Variants in R3HDM1 observed in about 807,000 individuals in gnomAD.
The protein encoded by R3HDM1 is R3H domain-containing protein 1.
R3HDM1 carries 46 observed loss-of-function variants against 141.1 expected under a neutral mutation model. That is an observed-to-expected ratio of 0.33 (90% CI 0.26 to 0.42). The LOEUF is 0.42. Ranked by LOEUF, R3HDM1 falls within the 10% of genes least tolerant of loss-of-function variation. The probability of loss-of-function intolerance (pLI) is 1.00; values close to 1 mark genes in which losing one functional copy is unlikely to be tolerated. For synonymous variants in R3HDM1, 435 were observed against 472.9 expected, an observed-to-expected ratio of 0.92 and a Z score of 1.04; for missense variants, 1,184 against 1,368.3, an observed-to-expected ratio of 0.87 and a Z score of 2.12.
intron 1 of R3HDM1, among the ~76,000 whole-genome samples, chr2:135,560,113 A>G (rs918483533): frequency 6.6e-6 from 1 of 152,206 alleles, no homozygotes; most frequent in African/African-American, 2.4e-5. Context: ...GCATGTATAT[A>G]TTATTCTGCA....
intron 7 of R3HDM1, among the ~76,000 whole-genome samples, chr2:135,624,583 A>G (rs1349777463): frequency 5.9e-5 from 9 of 152,202 alleles, no homozygotes; most frequent in Non-Finnish European, 7.3e-5. Context: ...AAAAAGACCT[A>G]TAAAACGGTG....
intron 1 of R3HDM1, among the ~76,000 whole-genome samples, chr2:135,547,105 A>G (rs1267891505): frequency 6.6e-6 from 1 of 152,186 alleles, no homozygotes; most frequent in East Asian, 1.9e-4. Flanking sequence ...GAACTCAGAC[A>G]CCTATCATAT....
chr2:135,683,052 G>A (rs1472494912), intron 21 of R3HDM1, among the ~76,000 whole-genome samples: 1 of 152,112 alleles, frequency 6.6e-6, no homozygotes, highest in East Asian at 1.9e-4. Flanking sequence ...ACCCAAATGA[G>A]GCAGATAAAC....
chr2:135,659,521 G>A (rs2066415624), intron 18 of R3HDM1, among the ~76,000 whole-genome samples: 2 of 151,476 alleles, frequency 1.3e-5, no homozygotes, highest in African/African-American at 2.4e-5. Flanking sequence ...CACTGCAGCT[G>A]TGACCTCCTG....
At chr2:135,619,340 T>G (rs2061348882) in intron 5 of R3HDM1, among the ~76,000 whole-genome samples, 1 of 152,146 alleles carries the variant, frequency 6.6e-6, no homozygotes, top group South Asian at 2.1e-4. Context: ...GGTACTAAAT[T>G]TGGCTAGTGA....
At chr2:135,720,379 G>A (rs2076588894) in intron 24 of R3HDM1, among the ~76,000 whole-genome samples, 1 of 152,238 alleles carries the variant, frequency 6.6e-6, no homozygotes, top group South Asian at 2.1e-4. Context: ...GAGAAGGGGT[G>A]TACAGTTTCC....
intron 1 of R3HDM1, among the ~76,000 whole-genome samples, chr2:135,576,109 T>C (rs992373596): frequency 1.5e-4 from 23 of 152,154 alleles, no homozygotes; most frequent in African/African-American, 4.3e-4. Context: ...ATAAAAATGG[T>C]ATCTTGGGCT....
At chr2:135,620,720 C>T (rs891182031) in intron 5 of R3HDM1, 1 of 898,292 alleles carries the variant, frequency 1.1e-6, no homozygotes, top group Non-Finnish European at 1.3e-6. Context: ...ATAACTTTAC[C>T]TAAGTAAACA....
chr2:135,607,674 A>G (rs1209898495), intron 3 of R3HDM1, among the ~76,000 whole-genome samples: 1 of 152,228 alleles, frequency 6.6e-6, no homozygotes, highest in Non-Finnish European at 1.5e-5. Flanking sequence ...TTCCTAGATC[A>G]TGCTTATCAA....
chr2:135,535,499 AAAATAAATAAATAAATAAATAAAT>A (rs3050151), intron 1 of R3HDM1, among the ~76,000 whole-genome samples: 5 of 143,770 alleles, frequency 3.5e-5, no homozygotes, highest in African/African-American at 1.3e-4. Context: ...CTTTGTCTCA[AAAATAAATAAATAAATAAATAAAT>A]AAATAAATAA....
At chr2:135,590,774 T>TTA (rs1174465116) in intron 1 of R3HDM1, 1 of 962,780 alleles carries the variant, frequency 1.0e-6, no homozygotes. Flanking sequence ...TACACATCCT[T>TTA]TTATAGAGTA....
At chr2:135,642,053 T>C (rs184119859) in intron 15 of R3HDM1, among the ~76,000 whole-genome samples, 12 of 152,302 alleles carry the variant, frequency 7.9e-5, no homozygotes, top group Non-Finnish European at 1.6e-4. Flanking sequence ...GTTTATTTCC[T>C]AGAAATGAGA....
In R3HDM1 at chr2:135,645,533, C is replaced by T. The variant is rs373481997; in HGVS notation, c.1623+6C>T. 6.2e-7 allele frequency: 1 copy of T among 1,613,054 alleles called. No homozygotes were observed. The highest frequency in any genetic ancestry group is 2.2e-5 in the East Asian group (1 of 44,878). On this transcript the variant is annotated splice_donor_region_variant and intron_variant, in intron 16 of 26. Transcript: ENST00000683871. Reference sequence around the variant, plus strand: ...CTAATCACATTTTCTCACAGGTGCACATATCCATGATTACATAATGCTAAG... The same window carrying T: ...CTAATCACATTTTCTCACAGGTGCATATATCCATGATTACATAATGCTAAG...
In R3HDM1 at chr2:135,724,057, A is replaced by G. The variant is rs770300691; in HGVS notation, c.3170A>G (p.Gln1057Arg). The G allele has an allele frequency of 1.1e-5, 18 of 1,614,042 alleles. No homozygotes were observed. Among genetic ancestry groups the G allele is most frequent in the Non-Finnish European group, 1.4e-5 (17 of 1,179,940 alleles). The change falls in exon 27 of 27, where the codon CAG becomes CGG. Residue 1057 changes from glutamine (Q) to arginine (R), a missense_variant. Transcript: ENST00000683871. The part of the protein sequence containing the change: ...GAKIRWLRDP[Q>R]SQPRRHPLCC... The stretch of plus-strand genomic sequence containing the variant: ...AAGATCCGGTGGCTCCGGGACCCCC[A>G]GTCCCAACCACGTCGTCACCCCCTC...
chr2:135,626,209 G>GTGCGTGTGTGCTTGCTTGCTTGCT (rs1553576639), intron 7 of R3HDM1, among the ~76,000 whole-genome samples: 23 of 143,448 alleles, frequency 1.6e-4, no homozygotes, highest in South Asian at 8.6e-4. Context: ...GCGTGCGTGC[G>GTGCGTGTGTGCTTGCTTGCTTGCT]TGCTTGCTTG....
chr2:135,675,318 T>C lies in R3HDM1; in HGVS notation c.2153-14T>C, dbSNP rs566906447. On this transcript the variant is annotated splice_polypyrimidine_tract_variant and intron_variant, in intron 19 of 26. Transcript: ENST00000683871. ...TGAATTCAGAGCAGGATTTAACTCA[T>C]TGTACCATTACAGGTTATCAAGTTA... 3.7e-6 allele frequency: 6 copies of C among 1,609,674 alleles called. No homozygotes were observed. In the African/African-American group the frequency reaches 4.0e-5, roughly 11 times the overall value.
chr2:135,724,391 T>G lies in R3HDM1; in HGVS notation c.*99T>G. 2.2e-6 allele frequency: 2 copies of G among 911,100 alleles called. No individual in the cohort carries two copies. The highest frequency in any genetic ancestry group is 1.6e-6 in the Non-Finnish European group (1 of 613,118). 56.4% of individuals were successfully genotyped at this position (911,100 alleles called of 1,614,324 possible). ...CTTCTGTTAACATTATAGAGACTCC[T>G]AGGATGTGTGTTCATGGCATTATAG... On this transcript the variant is annotated 3_prime_UTR_variant, in exon 27 of 27. Coordinates refer to ENST00000683871, the MANE Select transcript of R3HDM1 (RefSeq NM_001378107.1).
At chr2:135,597,374 C>T (rs1352792636) in intron 1 of R3HDM1, 1 of 681,052 alleles carries the variant, frequency 1.5e-6, no homozygotes, top group Non-Finnish European at 1.8e-6. Context: ...GTTTACAAAT[C>T]ACATGCACAT....
At chr2:135,671,283 T>C (rs1358576317) in intron 19 of R3HDM1, among the ~76,000 whole-genome samples, 2 of 152,054 alleles carry the variant, frequency 1.3e-5, no homozygotes, top group East Asian at 3.9e-4. Flanking sequence ...GTGATTTGTA[T>C]TCGTGGGAGT....
Sources: allele counts gnomAD v4.1 joint callset (sites outside exome capture counted in the v4.1 genomes callset), GRCh38; gene constraint gnomAD v4.1.1; transcripts MANE v1.5; gene names NCBI Gene and HGNC (gene_info 2026-07-23, HGNC 2026-07-21).